The following TMPRSS3 variants were observed in gnomAD, a reference collection of about 807,000 sequenced individuals.
The protein encoded by TMPRSS3 is transmembrane protease serine 3.
TMPRSS3 carries 55 observed loss-of-function variants against 59.6 expected under a neutral mutation model. That is an observed-to-expected ratio of 0.92 (90% CI 0.74 to 1.16). The LOEUF is 1.16. Ranked by LOEUF, TMPRSS3 falls within the 50% of genes most tolerant of loss-of-function variation. TMPRSS3 has a pLI of 0.00. For synonymous variants in TMPRSS3, 257 were observed against 237.7 expected, an observed-to-expected ratio of 1.08 and a Z score of -0.75; for missense variants, 596 against 579.4, an observed-to-expected ratio of 1.03 and a Z score of -0.29.
chr21:42,387,343 C>G (rs2052653086), intron 5 of TMPRSS3, among the ~76,000 whole-genome samples: 2 of 148,234 alleles, frequency 1.3e-5, no homozygotes, highest in South Asian at 4.3e-4. Context: ...AAGAGAAATG[C>G]CCAATGGGGA....
intron 12 of TMPRSS3, among the ~76,000 whole-genome samples, chr21:42,374,105 AG>A (rs1477695031): frequency 1.3e-5 from 2 of 152,088 alleles, no homozygotes; most frequent in African/African-American, 4.8e-5. Flanking sequence ...AGGCTCCCAC[AG>A]CACCCTGAAC....
chr21:42,378,548 G>A (rs2052467990), intron 10 of TMPRSS3, among the ~76,000 whole-genome samples: 1 of 152,162 alleles, frequency 6.6e-6, no homozygotes, highest in Admixed American at 6.5e-5. Context: ...AGGGGGCAAA[G>A]CCACGGGAGG....
intron 9 of TMPRSS3, chr21:42,381,786 A>G (rs1488661355): frequency 3.5e-6 from 2 of 575,316 alleles, no homozygotes; most frequent in Non-Finnish European, 6.3e-6. Context: ...AAACAGGGTA[A>G]CATTGAAAAT....
chr21:42,382,230 A>T lies in TMPRSS3; in HGVS notation c.787T>A (p.Tyr263Asn). The T allele has an allele frequency of 6.2e-7, 1 of 1,614,144 alleles. No individual in the cohort carries two copies. Among genetic ancestry groups the T allele is most frequent in the South Asian group, 1.1e-5 (1 of 91,074 alleles). ...ITAAHCVYDL[Y>N]LPKSWTIQVG... ...TGGATGGTCCATGACTTGGGGAGGTACAAGCTGAAATGAGAAGAGCAAGAG... is the reference window on the plus strand; with the variant it reads ...TGGATGGTCCATGACTTGGGGAGGTTCAAGCTGAAATGAGAAGAGCAAGAG... Residue 263 changes from tyrosine (Y) to asparagine (N), a missense_variant, in exon 9 of 13, where the codon TAC becomes AAC. Physicochemically the swap from Tyr to Asn is moderately radical, Grantham distance 143. Coordinates refer to ENST00000644384, the MANE Select transcript of TMPRSS3 (RefSeq NM_001256317.3).
intron 8 of TMPRSS3, 80 bp downstream of exon 8, chr21:42,382,953 T>C (rs2052558312): frequency 6.3e-7 from 1 of 1,577,610 alleles, no homozygotes; most frequent in South Asian, 1.1e-5. Flanking sequence ...CTGGACCCGC[T>C]TCTCACCACC....
At chr21:42,385,610 A>C in intron 5 of TMPRSS3, 76 bp from the exon 6 acceptor site, 1 of 1,569,296 alleles carries the variant, frequency 6.4e-7, no homozygotes. Context: ...TGCGAGTCAC[A>C]ATATTACAGG....
rs141956930 is a variant in TMPRSS3 at position 42,373,751 on chromosome 21, C to T, written c.1345-972G>A. ...GGGGGGGCCTCATGCAGGTCGTCTC[C>T]GCTGTAGTACAGGGAGGGTCACAGG... is the stretch of plus-strand genomic sequence containing the variant. On this transcript the variant is annotated intron_variant, in intron 12 of 12. Transcript: ENST00000644384. 3.7e-3 allele frequency among the ~76,000 whole-genome samples: 566 copies of T among 152,292 alleles called. 3 individuals carry two copies. The highest frequency in any genetic ancestry group is 6.3e-3 in the Non-Finnish European group (429 of 68,026).
At chr21:42,385,345 A>G in intron 6 of TMPRSS3, 64 bp downstream of exon 6, 1 of 1,603,562 alleles carries the variant, frequency 6.2e-7, no homozygotes, top group Non-Finnish European at 8.5e-7. Flanking sequence ...AGTTGTGCAT[A>G]GCATCACAAA....
chr21:42,393,760 G>T (rs949255220), intron 2 of TMPRSS3, among the ~76,000 whole-genome samples: 3 of 152,204 alleles, frequency 2.0e-5, no homozygotes, highest in African/African-American at 7.2e-5. Context: ...CTGTTATGGC[G>T]TGAAAGCAGC....
intron 1 of TMPRSS3, chr21:42,395,673 A>C: frequency 2.8e-6 from 1 of 356,598 alleles, no homozygotes; most frequent in Non-Finnish European, 5.2e-6. Flanking sequence ...AATTAGCAAA[A>C]AAAAAAAAAA....
At chr21:42,387,709 G>A (rs931498219) in intron 5 of TMPRSS3, among the ~76,000 whole-genome samples, 1 of 152,152 alleles carries the variant, frequency 6.6e-6, no homozygotes, top group African/African-American at 2.4e-5. Flanking sequence ...CCTGCTTTGA[G>A]TGCTGAGACT....
At chr21:42,379,701 C>T (rs569532322) in intron 10 of TMPRSS3, among the ~76,000 whole-genome samples, 4 of 152,140 alleles carry the variant, frequency 2.6e-5, no homozygotes, top group Non-Finnish European at 2.9e-5. Flanking sequence ...TCCACTTGCT[C>T]TTTGTAGGAT....
intron 2 of TMPRSS3, among the ~76,000 whole-genome samples, chr21:42,392,905 T>TG (rs2052751108): frequency 1.3e-5 from 2 of 152,264 alleles, no homozygotes; most frequent in African/African-American, 4.8e-5. Flanking sequence ...CAGGCTGCCC[T>TG]GAGGGCACTG....
intron 3 of TMPRSS3, 162 bp from the exon 4 acceptor site, chr21:42,389,207 G>C: frequency 6.8e-7 from 1 of 1,464,264 alleles, no homozygotes; most frequent in Admixed American, 2.0e-5. Flanking sequence ...CCCAGTTTCT[G>C]TTTTGAATTC....
At chr21:42,385,310 A>G (rs1343730731) in intron 6 of TMPRSS3, 99 bp downstream of exon 6, 23 of 1,534,120 alleles carry the variant, frequency 1.5e-5, no homozygotes, top group Non-Finnish European at 3.6e-6. Context: ...GAGATAACAC[A>G]TGCATGCCTC....
intron 8 of TMPRSS3, 98 bp downstream of exon 8, chr21:42,382,935 T>C: frequency 6.9e-7 from 1 of 1,445,200 alleles, no homozygotes; most frequent in East Asian, 2.3e-5. Context: ...AGTCTCTCTG[T>C]CTTCCCTCTG....
chr21:42,382,241 T>A lies in TMPRSS3; in HGVS notation c.783-7A>T. ...TGACTTGGGGAGGTACAAGCTGAAA[T>A]GAGAAGAGCAAGAGGTGAAGCACAG... On this transcript the variant is annotated splice_polypyrimidine_tract_variant and splice_region_variant and intron_variant, in intron 8 of 12. Coordinates refer to ENST00000644384, the MANE Select transcript of TMPRSS3 (RefSeq NM_001256317.3). 6.2e-7 allele frequency: 1 copy of A among 1,613,782 alleles called. No individual in the cohort carries two copies. Among genetic ancestry groups the A allele is most frequent in the Non-Finnish European group, 8.5e-7 (1 of 1,179,814 alleles).
At chr21:42,375,564 C>T (rs1021154133) in intron 12 of TMPRSS3, 152 bp downstream of exon 12, 21 of 967,260 alleles carry the variant, frequency 2.2e-5, no homozygotes, top group Non-Finnish European at 3.2e-5. Context: ...TCAGCACAAG[C>T]GTCTGACACC....
At position 42,395,386 on chromosome 21, in the gene TMPRSS3, G is replaced by A. The variant is rs372629505; in HGVS notation, c.32C>T (p.Ala11Val). 2 of 1,614,162 alleles carry A rather than the reference G, an allele frequency of 1.2e-6. No individual in the cohort carries two copies. The highest frequency in any genetic ancestry group is 2.2e-5 in the East Asian group (1 of 44,888). Residue 11 changes from alanine (A) to valine (V), a missense_variant, in exon 2 of 13, where the codon GCC (alanine) becomes GTC (valine). Transcript: ENST00000644384. The stretch of plus-strand genomic sequence containing the variant: ...AAAAAGCGATCGGAATGAGAAGGGG[G>A]CTTCAACAGCAGGCGGATCATTTTC... MGENDPPAVE[A>V]PFSFRSLFGL...
Sources: gnomAD v4.1 joint callset for allele counts (sites outside exome capture counted in the v4.1 genomes callset) on GRCh38, gnomAD v4.1.1 for gene constraint, MANE v1.5 for transcripts, NCBI Gene and HGNC (gene_info 2026-07-23, HGNC 2026-07-21) for gene names.